Variants in CCNB2 observed in about 807,000 individuals in gnomAD.
CCNB2 encodes the protein cyclin B2, also known as G2/mitotic-specific cyclin-B2.
Under a neutral mutation model 51.1 loss-of-function variants are expected in CCNB2, and 39 were observed. That is an observed-to-expected ratio of 0.76 (90% CI 0.59 to 1.00). The LOEUF (loss-of-function observed/expected upper bound fraction) is 1.00. CCNB2 is among the 50% of genes least tolerant of loss of function. The pLI is 0.00. For synonymous variants in CCNB2, 174 were observed against 165.5 expected (o/e 1.05, Z -0.40); for missense variants, 472 against 470.3 (o/e 1.00, Z -0.03).
intron 5 of CCNB2, chr15:59,115,943 G>C (rs1446437259): frequency 3.9e-5 from 6 of 152,140 alleles, no homozygotes; most frequent in African/African-American, 1.4e-4. Context: ...TGTTGCTCAG[G>C]CTGGTCTCGA....
Position 59,116,714 on chromosome 15 carries a change from C to T in CCNB2, c.622C>T (p.Leu208Phe), listed in dbSNP as rs1208472102. The change falls in exon 6 of 9, where the codon CTT (leucine) becomes TTT (phenylalanine). Residue 208 changes from leucine (L) to phenylalanine (F), a missense_variant. By Grantham distance (22) the Leu-to-Phe change is conservative. Transcript: ENST00000288207. ...LQVQPVSRKK[L>F]QLVGITALLL... ...GGTTCAGCCAGTTTCCCGGAAGAAG[C>T]TTCAATTAGTTGGGATTACTGCTCT... 1 of 1,611,342 alleles carries T rather than the reference C, an allele frequency of 6.2e-7. No individual in the cohort carries two copies. The highest frequency in any genetic ancestry group is 8.5e-7 in the Non-Finnish European group (1 of 1,179,212).
intron 3 of CCNB2, 75 bp downstream of exon 3, chr15:59,107,745 CATTGCTGT>C (rs1284195211): frequency 9.5e-7 from 1 of 1,053,618 alleles, no homozygotes; most frequent in Non-Finnish European, 1.4e-6. Flanking sequence ...GTGCCTTTAT[CATTGCTGT>C]ACCTTCTAAC....
At chr15:59,124,706 C>T (rs1027689298) in intron 8 of CCNB2, 61 bp from the exon 9 acceptor site, 9 of 1,119,458 alleles carry the variant, frequency 8.0e-6, no homozygotes, top group Non-Finnish European at 1.4e-6. Flanking sequence ...GTGAGTTAGA[C>T]TAGGAATAAG....
intron 1 of CCNB2, among the ~76,000 whole-genome samples, chr15:59,105,505 C>G (rs1484279044): frequency 3.3e-5 from 5 of 152,262 alleles, no homozygotes; most frequent in Non-Finnish European, 7.3e-5. Context: ...TAACCCCTCC[C>G]TGCCCCGGGG....
chr15:59,112,824 GGAGATC>G (rs1430113325), intron 3 of CCNB2, among the ~76,000 whole-genome samples: 6 of 151,582 alleles, frequency 4.0e-5, no homozygotes, highest in Admixed American at 1.3e-4. Context: ...CACAAGGTCA[GGAGATC>G]GAGACCATCC....
intron 7 of CCNB2, among the ~76,000 whole-genome samples, chr15:59,118,972 A>G (rs1317018227): frequency 2.0e-5 from 3 of 152,176 alleles, no homozygotes; most frequent in Non-Finnish European, 4.4e-5. Flanking sequence ...GTATGTATAT[A>G]TATTTATATA....
At chr15:59,123,737 T>C (rs201332238) in intron 8 of CCNB2, 110 bp downstream of exon 8, 3 of 364,534 alleles carry the variant, frequency 8.2e-6, no homozygotes, top group East Asian at 7.8e-5. Context: ...ATTAATAACA[T>C]GTGGGAGTTT....
chr15:59,115,202 G>A (rs1414862217), intron 5 of CCNB2, among the ~76,000 whole-genome samples: 4 of 152,134 alleles, frequency 2.6e-5, no homozygotes, highest in Non-Finnish European at 5.9e-5. Flanking sequence ...TTTGGATGCT[G>A]GTTTTCTGGG....
chr15:59,105,156 A>C lies in CCNB2; in HGVS notation c.-113A>C, dbSNP rs2079229874. 2 of 988,422 alleles carry C rather than the reference A, an allele frequency of 2.0e-6. No homozygotes were observed. Among genetic ancestry groups the C allele is most frequent in the South Asian group, 3.1e-5 (2 of 63,968 alleles). 61.2% of individuals were successfully genotyped at this position (988,422 alleles called of 1,614,324 possible). ...CAAGGCTACAGCGTCGAAGATCCCC[A>C]GCGCTGCGGGCTCGGAGAGCAGTCC... On this transcript the variant is annotated 5_prime_UTR_variant, in exon 1 of 9. Coordinates refer to ENST00000288207, the MANE Select transcript of CCNB2 (RefSeq NM_004701.4).
chr15:59,123,487 ATGTC>A (rs759040720), intron 7 of CCNB2, 26 bp from the exon 8 acceptor site: 7 of 1,343,624 alleles, frequency 5.2e-6, no homozygotes, highest in Non-Finnish European at 6.4e-6. Context: ...CCCCTCAGTC[ATGTC>A]TGTCTGTCTG....
At chr15:59,122,174 G>GA (rs1478675694) in intron 7 of CCNB2, among the ~76,000 whole-genome samples, 1 of 146,408 alleles carries the variant, frequency 6.8e-6, no homozygotes, top group South Asian at 2.2e-4. Flanking sequence ...CCATGCATAT[G>GA]AAAAAAACGT....
At chr15:59,117,961 G>T (rs557569302) in intron 7 of CCNB2, among the ~76,000 whole-genome samples, 1 of 152,310 alleles carries the variant, frequency 6.6e-6, no homozygotes, top group East Asian at 1.9e-4. Context: ...CAAGCAAGCT[G>T]CTTGGAACAG....
At position 59,106,064 on chromosome 15, in the gene CCNB2, C is replaced by G. The variant is rs572034104; in HGVS notation, c.24+772C>G. 4.5e-4 allele frequency among the ~76,000 whole-genome samples: 68 copies of G among 152,076 alleles called. No individual in the cohort carries two copies. The South Asian group carries it at 6.2e-3, about 14-fold the overall frequency. On this transcript the variant is annotated intron_variant, in intron 1 of 8. Coordinates refer to ENST00000288207, the MANE Select transcript of CCNB2 (RefSeq NM_004701.4). ...ACCGGGACCTACTTTTTTCCTTTGC[C>G]GAAAGCTAGAGGGCCCTGACACACC... is the stretch of plus-strand genomic sequence containing the variant.
At chr15:59,109,151 A>G (rs1464265388) in intron 3 of CCNB2, among the ~76,000 whole-genome samples, 3 of 152,110 alleles carry the variant, frequency 2.0e-5, no homozygotes, top group Non-Finnish European at 4.4e-5. Flanking sequence ...CCCGGGTTCA[A>G]GCGATTCTCC....
Position 59,117,284 on chromosome 15 carries a change from C to T in CCNB2, c.891C>T (p.Asp297=), listed in dbSNP as rs767021893. 1.2e-6 allele frequency: 2 copies of T among 1,613,534 alleles called. No homozygotes were observed. The highest frequency in any genetic ancestry group is 8.5e-7 in the Non-Finnish European group (1 of 1,179,804). The part of the protein sequence containing the change: ...AKYLMELTLI[D]YDMVHYHPSK... ...ATTTGATGGAGCTGACTCTCATCGA[C>T]TATGATATGGTGCATTATCATCCTT... is the stretch of plus-strand genomic sequence containing the variant. Residue 297 remains aspartate (D), a synonymous_variant, in exon 7 of 9, where the codon GAC becomes GAT. Transcript: ENST00000288207.
intron 7 of CCNB2, among the ~76,000 whole-genome samples, chr15:59,119,275 C>T (rs971912424): frequency 9.2e-5 from 14 of 151,826 alleles, no homozygotes; most frequent in Admixed American, 1.3e-4. Flanking sequence ...GCCTGGGTAG[C>T]GTAGCAAGAC....
intron 5 of CCNB2, chr15:59,116,235 T>C (rs2140288744): frequency 6.4e-6 from 1 of 156,650 alleles, no homozygotes; most frequent in South Asian, 2.0e-4. Flanking sequence ...ATTCTCACTT[T>C]TTTCTTTGGC....
chr15:59,116,992 A>G (rs2079281947), intron 6 of CCNB2, 66 bp downstream of exon 6: 1 of 1,317,326 alleles, frequency 7.6e-7, no homozygotes, highest in African/African-American at 1.5e-5. Context: ...ACCTTGACCT[A>G]ATTTAAGGAA....
intron 5 of CCNB2, among the ~76,000 whole-genome samples, chr15:59,115,113 A>G (rs1240789194): frequency 4.6e-5 from 7 of 152,204 alleles, no homozygotes; most frequent in East Asian, 1.9e-4. Context: ...CTTGGGGGAA[A>G]TATTGCATTG....
Sources: allele counts gnomAD v4.1 joint callset (sites outside exome capture counted in the v4.1 genomes callset), GRCh38; gene constraint gnomAD v4.1.1; transcripts MANE v1.5; gene names NCBI Gene and HGNC (gene_info 2026-07-23, HGNC 2026-07-21).